DLGAP1: variants seen among roughly 807,000 people sequenced by gnomAD.
DLGAP1 encodes the protein DLG associated protein 1.
A neutral mutation model predicts 90.8 loss-of-function variants in DLGAP1; 11 were observed. That is an observed-to-expected ratio of 0.12 (90% CI 0.08 to 0.20). The LOEUF (loss-of-function observed/expected upper bound fraction) is 0.20, where lower values mean the gene tolerates loss of function less well. DLGAP1 is among the 10% of genes least tolerant of loss of function. The pLI, the probability that DLGAP1 is intolerant of heterozygous loss-of-function variation, is 1.00. For synonymous variants in DLGAP1, 558 were observed against 540.7 expected, an observed-to-expected ratio of 1.03 and a Z score of -0.44; for missense variants, 1,050 against 1,333.8, an observed-to-expected ratio of 0.79 and a Z score of 3.31.
At position 3,997,771 on chromosome 18, in the gene DLGAP1, TCATA is replaced by T. The variant is rs2074100402; in HGVS notation, c.-73+7341_-73+7344del. 3.3e-5 allele frequency among the ~76,000 whole-genome samples: 5 copies of T among 152,174 alleles called. No individual in the cohort carries two copies. The South Asian group carries it at 1.0e-3, about 31-fold the overall frequency. ...TATGTCACAAATATTATGTATGTAGTCATACATACATATTAAATTTTAAAATTTA... is the reference window on the plus strand; with the variant it reads ...TATGTCACAAATATTATGTATGTAGTCATACATATTAAATTTTAAAATTTA... On this transcript the variant is annotated intron_variant, in intron 3 of 12. Coordinates refer to ENST00000315677, the MANE Select transcript of DLGAP1 (RefSeq NM_004746.4).
intron 2 of DLGAP1, among the ~76,000 whole-genome samples, chr18:4,114,681 C>T (rs2076032288): frequency 6.6e-6 from 1 of 151,652 alleles, no homozygotes; most frequent in Non-Finnish European, 1.5e-5. Flanking sequence ...GTGGATTAAC[C>T]CTGTTATCTT....
At chr18:4,051,411 T>C (rs146637375) in intron 2 of DLGAP1, among the ~76,000 whole-genome samples, 300 of 152,316 alleles carry the variant, frequency 2.0e-3, no homozygotes, top group Admixed American at 3.5e-3. Flanking sequence ...TTTCTTCACA[T>C]GGCAGCAGCA....
At chr18:3,601,104 T>TAA (rs1304098608) in intron 7 of DLGAP1, among the ~76,000 whole-genome samples, 1 of 150,888 alleles carries the variant, frequency 6.6e-6, no homozygotes. Context: ...ATATATTTTT[T>TAA]GAGACAGAGT....
At chr18:4,024,973 G>A (rs1232121570) in intron 2 of DLGAP1, among the ~76,000 whole-genome samples, 1 of 152,168 alleles carries the variant, frequency 6.6e-6, no homozygotes, top group Non-Finnish European at 1.5e-5. Flanking sequence ...CAGAGAGCAG[G>A]AGACTCGGAC....
chr18:3,888,976 G>A (rs1158653796), intron 3 of DLGAP1, among the ~76,000 whole-genome samples: 3 of 152,132 alleles, frequency 2.0e-5, no homozygotes, highest in South Asian at 4.1e-4. Flanking sequence ...AGCCAGCTAG[G>A]AGAATGTGGT....
chr18:4,293,119 T>C (rs2079891194), intron 1 of DLGAP1: 1 of 152,252 alleles, frequency 6.6e-6, no homozygotes, highest in Non-Finnish European at 1.5e-5. Context: ...TATGATTCTA[T>C]GTCTGGAAAT....
intron 5 of DLGAP1, among the ~76,000 whole-genome samples, chr18:3,794,393 T>C (rs1446155411): frequency 6.6e-6 from 1 of 150,512 alleles, no homozygotes; most frequent in Admixed American, 6.7e-5. Flanking sequence ...ATTATAGGCA[T>C]GGATTCATTT....
chr18:4,136,040 C>T (rs1043438966), intron 2 of DLGAP1, among the ~76,000 whole-genome samples: 4 of 151,690 alleles, frequency 2.6e-5, no homozygotes, highest in Non-Finnish European at 5.9e-5. Context: ...ATGACAGGCC[C>T]GATGTGTGAT....
At chr18:3,926,660 A>G (rs2072398430) in intron 3 of DLGAP1, among the ~76,000 whole-genome samples, 1 of 143,966 alleles carries the variant, frequency 6.9e-6, no homozygotes, top group East Asian at 1.9e-4. Context: ...ATAGGTATAA[A>G]TATATATATA....
intron 1 of DLGAP1, among the ~76,000 whole-genome samples, chr18:4,259,715 T>A (rs1213150194): frequency 1.3e-5 from 2 of 152,322 alleles, no homozygotes; most frequent in Middle Eastern, 3.4e-3. Flanking sequence ...AAGGTTAATG[T>A]GTTTTGATAG....
chr18:4,442,118 A>G (rs1315930126), intron 1 of DLGAP1, among the ~76,000 whole-genome samples: 1 of 152,088 alleles, frequency 6.6e-6, no homozygotes, highest in Admixed American at 6.5e-5. Flanking sequence ...CAGTCTCCCA[A>G]GTAGCTGGGA....
At chr18:4,443,361 C>T (rs919728408) in intron 1 of DLGAP1, among the ~76,000 whole-genome samples, 3 of 152,226 alleles carry the variant, frequency 2.0e-5, no homozygotes, top group Non-Finnish European at 4.4e-5. Context: ...GCAGGAGGAG[C>T]TGCTGATGGC....
At chr18:3,713,724 C>T (rs756646887) in intron 7 of DLGAP1, among the ~76,000 whole-genome samples, 7 of 152,086 alleles carry the variant, frequency 4.6e-5, no homozygotes, top group Middle Eastern at 6.8e-3. Flanking sequence ...TGATATGAAG[C>T]GTGACACTTG....
chr18:4,136,947 C>A (rs148197810), intron 2 of DLGAP1, among the ~76,000 whole-genome samples: 1 of 152,070 alleles, frequency 6.6e-6, no homozygotes, highest in East Asian at 1.9e-4. Flanking sequence ...ATGTGCACAA[C>A]GTGCAGGTTA....
intron 7 of DLGAP1, among the ~76,000 whole-genome samples, chr18:3,703,656 CTTTTTTG>C (rs776257724): frequency 3.3e-5 from 5 of 152,104 alleles, no homozygotes; most frequent in Non-Finnish European, 7.4e-5. Flanking sequence ...TCTTTTCGTT[CTTTTTTG>C]TTTTTTGTTT....
At chr18:3,668,741 G>A (rs1032351372) in intron 7 of DLGAP1, among the ~76,000 whole-genome samples, 21 of 152,106 alleles carry the variant, frequency 1.4e-4, no homozygotes, top group Admixed American at 6.5e-4. Flanking sequence ...CTCACGCATG[G>A]AATCCCAGCA....
At chr18:4,340,088 A>T (rs1462363265) in intron 1 of DLGAP1, among the ~76,000 whole-genome samples, 1 of 152,208 alleles carries the variant, frequency 6.6e-6, no homozygotes, top group African/African-American at 2.4e-5. Flanking sequence ...TTTCCTATGC[A>T]TACATACTTT....
intron 4 of DLGAP1, among the ~76,000 whole-genome samples, chr18:3,868,789 G>A (rs1225346670): frequency 6.6e-6 from 1 of 152,192 alleles, no homozygotes; most frequent in Non-Finnish European, 1.5e-5. Flanking sequence ...GTTCTGTGGA[G>A]AAGAGGTCAT....
In DLGAP1 at chr18:3,720,888, C is replaced by CCAAAAAAAAAAAAAA. The variant is rs1441095000; in HGVS notation, c.1591+8246_1591+8247insTTTTTTTTTTTTTTG. On this transcript the variant is annotated intron_variant, in intron 7 of 12. Coordinates refer to ENST00000315677, the MANE Select transcript of DLGAP1 (RefSeq NM_004746.4). Reference sequence around the variant, plus strand: ...GCAACATACTAAGACCTTGTCTCTACAAAAAAAAAAAAAAAAAAAAATTAG... The same window carrying CCAAAAAAAAAAAAAA: ...GCAACATACTAAGACCTTGTCTCTACCAAAAAAAAAAAAAAAAAAAAAAAAAAAAAAAAAAATTAG... 1.2e-3 allele frequency among the ~76,000 whole-genome samples: 62 copies of CCAAAAAAAAAAAAAA among 50,308 alleles called. 1 individual carries two copies. The highest frequency in any genetic ancestry group is 4.6e-3 in the African/African-American group (57 of 12,488). The allele number at this position is 50,308 out of a possible 152,430, so 33.0% of individuals were successfully genotyped here.
Sources: allele counts gnomAD v4.1 joint callset (sites outside exome capture counted in the v4.1 genomes callset), GRCh38; gene constraint gnomAD v4.1.1; transcripts MANE v1.5; gene names NCBI Gene and HGNC (gene_info 2026-07-23, HGNC 2026-07-21).